RIT2: variants seen among roughly 807,000 people sequenced by gnomAD.
RIT2 encodes the protein Ras like without CAAX 2.
A neutral mutation model predicts 23.7 loss-of-function variants in RIT2; 24 were observed. That is an observed-to-expected ratio of 1.01 (90% CI 0.73 to 1.43). RIT2 has a LOEUF of 1.43. Among genes scored for constraint, RIT2 ranks in the 40% most tolerant of loss-of-function variants. RIT2 has a pLI of 0.00. For missense variants in RIT2, 236 were observed against 266.9 expected (o/e 0.88, Z 0.81); for synonymous variants, 107 against 91.1 (o/e 1.17, Z -0.99).
At chr18:42,784,909 T>C (rs753494339) in intron 4 of RIT2, among the ~76,000 whole-genome samples, 6 of 152,052 alleles carry the variant, frequency 3.9e-5, no homozygotes, top group Admixed American at 6.6e-5. Context: ...CACGTAACTA[T>C]AATTGATCAA....
intron 1 of RIT2, among the ~76,000 whole-genome samples, chr18:43,115,088 A>G (rs16977273): frequency 0.026 from 3,936 of 152,274 alleles, 131 homozygotes; most frequent in African/African-American, 0.079. Flanking sequence ...GACTAGGAGC[A>G]CATTTTTCTC....
intron 3 of RIT2, among the ~76,000 whole-genome samples, chr18:42,957,014 T>A (rs1909988080): frequency 6.6e-6 from 1 of 152,210 alleles, no homozygotes; most frequent in Non-Finnish European, 1.5e-5. Flanking sequence ...TGGGCTGTTC[T>A]ATGGCAAAGA....
chr18:43,078,859 C>G (rs1913087445), intron 1 of RIT2, among the ~76,000 whole-genome samples: 2 of 152,162 alleles, frequency 1.3e-5, no homozygotes, highest in African/African-American at 4.8e-5. Context: ...CCAAGGGCAT[C>G]TACAGAGTCC....
chr18:43,069,806 G>A (rs1912857537), intron 1 of RIT2, among the ~76,000 whole-genome samples: 1 of 152,002 alleles, frequency 6.6e-6, no homozygotes, highest in Admixed American at 6.6e-5. Context: ...TATTCACAAA[G>A]CTTTTTTCCT....
At chr18:42,814,453 C>T (rs1387585656) in intron 4 of RIT2, among the ~76,000 whole-genome samples, 2 of 152,214 alleles carry the variant, frequency 1.3e-5, no homozygotes, top group East Asian at 3.9e-4. Flanking sequence ...GGCTTTCCCC[C>T]ACTTCCCTGA....
chr18:42,951,045 G>A (rs753550673), intron 3 of RIT2, among the ~76,000 whole-genome samples: 4 of 152,070 alleles, frequency 2.6e-5, no homozygotes, highest in Admixed American at 6.6e-5. Flanking sequence ...ACTGCCATTT[G>A]ACCCAGAAAT....
intron 2 of RIT2, among the ~76,000 whole-genome samples, chr18:42,999,842 C>T (rs907667944): frequency 2.0e-5 from 3 of 151,956 alleles, no homozygotes; most frequent in African/African-American, 7.3e-5. Context: ...ACCTCTTTGA[C>T]TTCTTATTTC....
chr18:42,883,316 T>A (rs1433560799), intron 4 of RIT2, among the ~76,000 whole-genome samples: 2 of 152,212 alleles, frequency 1.3e-5, no homozygotes, highest in Non-Finnish European at 2.9e-5. Flanking sequence ...CTTAATGGAC[T>A]ATTGCACAGT....
At chr18:42,873,194 A>G (rs1907662697) in intron 4 of RIT2, among the ~76,000 whole-genome samples, 1 of 152,112 alleles carries the variant, frequency 6.6e-6, no homozygotes, top group Non-Finnish European at 1.5e-5. Context: ...GGGCAATAAG[A>G]TCTCCATTAT....
At chr18:42,744,102 C>T (rs1912862581) in intron 4 of RIT2, among the ~76,000 whole-genome samples, 1 of 151,964 alleles carries the variant, frequency 6.6e-6, no homozygotes, top group Non-Finnish European at 1.5e-5. Context: ...CACCTTGTGA[C>T]CCCCACTCCT....
intron 4 of RIT2, among the ~76,000 whole-genome samples, chr18:42,878,662 A>T (rs1342279169): frequency 6.6e-6 from 1 of 151,422 alleles, no homozygotes. Flanking sequence ...CCTGCTTCCA[A>T]ACTTATTCCC....
chr18:43,114,533 T>C (rs189127842), intron 1 of RIT2, among the ~76,000 whole-genome samples: 233 of 152,216 alleles, frequency 1.5e-3, no homozygotes, highest in African/African-American at 5.4e-3. Flanking sequence ...CCTTTTAGAA[T>C]TCCCAAAGAT....
chr18:43,036,598 A>G (rs1911982489), intron 1 of RIT2, among the ~76,000 whole-genome samples: 1 of 151,906 alleles, frequency 6.6e-6, no homozygotes, highest in Non-Finnish European at 1.5e-5. Context: ...AACAAAAAGT[A>G]TATATTTACA....
intron 1 of RIT2, among the ~76,000 whole-genome samples, chr18:43,056,765 A>G (rs2144316579): frequency 6.6e-6 from 1 of 152,234 alleles, no homozygotes; most frequent in East Asian, 1.9e-4. Flanking sequence ...GGCATTAGTA[A>G]GGTCCTGACA....
intron 1 of RIT2, among the ~76,000 whole-genome samples, chr18:43,104,077 C>G (rs914724432): frequency 1.3e-5 from 2 of 152,080 alleles, no homozygotes; most frequent in Admixed American, 6.6e-5. Flanking sequence ...ATGTCATATA[C>G]ATACACAATG....
chr18:42,934,039 G>GA lies in RIT2; in HGVS notation c.235-10277dup, dbSNP rs5824459. On this transcript the variant is annotated intron_variant, in intron 3 of 4. Coordinates refer to ENST00000326695, the MANE Select transcript of RIT2 (RefSeq NM_002930.4). The stretch of plus-strand genomic sequence containing the variant: ...CTCACAGAAGAAAAAAAAAAAAAAA[G>GA]AAAAAAAAAAAAAGAAACCTCTTTC... 5.4e-5 allele frequency among the ~76,000 whole-genome samples: 7 copies of GA among 130,770 alleles called. No individual in the cohort carries two copies. In the South Asian group the frequency reaches 1.2e-3, roughly 22 times the overall value. 85.8% of individuals were successfully genotyped at this position (130,770 alleles called of 152,430 possible).
intron 3 of RIT2, among the ~76,000 whole-genome samples, chr18:42,959,748 G>C (rs1487624887): frequency 1.3e-5 from 2 of 152,210 alleles, no homozygotes; most frequent in African/African-American, 2.4e-5. Flanking sequence ...CCATTGCTTA[G>C]AGGCTTATCT....
At chr18:43,110,514 T>C (rs776937489) in intron 1 of RIT2, among the ~76,000 whole-genome samples, 6 of 152,170 alleles carry the variant, frequency 3.9e-5, no homozygotes, top group Non-Finnish European at 7.4e-5. Flanking sequence ...TATTTGAAAC[T>C]GTTATAAGGA....
chr18:42,796,009 T>C (rs1905339606), intron 4 of RIT2, among the ~76,000 whole-genome samples: 1 of 152,104 alleles, frequency 6.6e-6, no homozygotes, highest in Non-Finnish European at 1.5e-5. Flanking sequence ...ATCAGCAGGA[T>C]GTGGGTGGGG....
Sources: allele counts gnomAD v4.1 joint callset (sites outside exome capture counted in the v4.1 genomes callset), GRCh38; gene constraint gnomAD v4.1.1; transcripts MANE v1.5; gene names NCBI Gene and HGNC (gene_info 2026-07-23, HGNC 2026-07-21).